PCARE: variants seen among roughly 807,000 people sequenced by gnomAD.
PCARE encodes the protein photoreceptor cilium actin regulator.
Under a neutral mutation model 82.2 loss-of-function variants are expected in PCARE, and 72 were observed. The ratio of observed to expected loss-of-function variants is 0.88; its 90% CI spans 0.72 to 1.07. The LOEUF (loss-of-function observed/expected upper bound fraction) is 1.07, where lower values mean the gene tolerates loss of function less well. Ranked by LOEUF, PCARE falls within the 50% of genes least tolerant of loss-of-function variation. PCARE has a pLI of 0.00. For missense variants in PCARE, 1,768 were observed against 1,592.4 expected, an observed-to-expected ratio of 1.11 and a Z score of -1.88; for synonymous variants, 705 against 634.8, an observed-to-expected ratio of 1.11 and a Z score of -1.66.
rs1667343340 is a variant in PCARE at position 29,063,535 on chromosome 2, C to T, written c.*1334G>A. On this transcript the variant is annotated 3_prime_UTR_variant, in exon 2 of 2. Transcript: ENST00000331664. ...TTTAACAAGTTTTTGAGCCCACAGTCCCAGCAAGAATGGGTTTGAGGTCTA... is the reference window on the plus strand; with the variant it reads ...TTTAACAAGTTTTTGAGCCCACAGTTCCAGCAAGAATGGGTTTGAGGTCTA... 1 of 152,642 alleles carries T rather than the reference C, an allele frequency of 6.6e-6. No homozygotes were observed. 9.5% of individuals were successfully genotyped at this position (152,642 alleles called of 1,614,324 possible). A position where few individuals can be genotyped will look rare whatever the true frequency, so the allele number is the denominator to read the frequency against.
At chr2:29,068,516 C>T (rs1667423609) in intron 1 of PCARE, among the ~76,000 whole-genome samples, 1 of 152,176 alleles carries the variant, frequency 6.6e-6, no homozygotes, top group Non-Finnish European at 1.5e-5. Flanking sequence ...AAGAGTTCTT[C>T]TCTAATAGAC....
In PCARE at chr2:29,071,676, G is replaced by A. The variant is rs1490095948; in HGVS notation, c.2586C>T (p.Thr862=). 6 of 1,614,066 alleles carry A rather than the reference G, an allele frequency of 3.7e-6. No individual in the cohort carries two copies. The highest frequency in any genetic ancestry group is 1.7e-4 in the Middle Eastern group (1 of 6,058). ...SKSTENSPKE[T]QEPGPGEAGP... is the part of the protein sequence containing the mutation. The stretch of plus-strand genomic sequence containing the variant: ...CAGCCTCTCCCGGCCCTGGCTCCTG[G>A]GTTTCCTTGGGGGAGTTCTCTGTGG... Residue 862 remains threonine, a synonymous_variant, in exon 1 of 2, where the codon ACC becomes ACT. Transcript: ENST00000331664.
At chr2:29,066,409 C>T (rs905371304) in intron 1 of PCARE, among the ~76,000 whole-genome samples, 5 of 152,190 alleles carry the variant, frequency 3.3e-5, no homozygotes, top group African/African-American at 1.2e-4. Flanking sequence ...AATCAGTTGC[C>T]TCAGGGCCAG....
chr2:29,071,340 C>A lies in PCARE; in HGVS notation c.2922G>T (p.Glu974Asp). The A allele has an allele frequency of 6.2e-7, 1 of 1,613,648 alleles. No homozygotes were observed. The highest frequency in any genetic ancestry group is 8.5e-7 in the Non-Finnish European group (1 of 1,179,928). Residue 974 changes from glutamate to aspartate, a missense_variant, in exon 1 of 2, where the codon GAG (glutamate) becomes GAT (aspartate). Glu to Asp is a conservative substitution (Grantham distance 45). Coordinates refer to ENST00000331664, the MANE Select transcript of PCARE (RefSeq NM_001029883.3). ...TCTGCCTTGGTCTGGCCAGGCTGGA[C>A]TCTGAGGTCCTGTTTTGTCCAGATG... ...GPPSGQNRTS[E>D]SSLARPRQSR...
At position 29,071,371 on chromosome 2, in the gene PCARE, C is replaced by T. The variant is rs1667478873; in HGVS notation, c.2891G>A (p.Gly964Asp). ...GGTCCTGTTTTGTCCAGATGGAGGG[C>T]CGGAGTGGTGCCAGGCGATGGCCTT... is the stretch of plus-strand genomic sequence containing the variant. ...PRKAIAWHHS[G>D]PPSGQNRTSE... The change falls in exon 1 of 2, where the codon GGC (glycine) becomes GAC (aspartate). Residue 964 changes from glycine to aspartate, a missense_variant. Physicochemically the swap from Gly to Asp is moderately conservative, Grantham distance 94. Transcript: ENST00000331664. 6.2e-7 allele frequency: 1 copy of T among 1,613,590 alleles called. No individual in the cohort carries two copies. The highest frequency in any genetic ancestry group is 1.7e-5 in the Admixed American group (1 of 59,998).
rs1667498889 is a variant in PCARE, at chr2:29,072,057, A to G, written c.2205T>C (p.Ile735=). 1.2e-6 allele frequency: 2 copies of G among 1,614,234 alleles called. No homozygotes were observed. Among genetic ancestry groups the G allele is most frequent in the Non-Finnish European group, 1.7e-6 (2 of 1,180,040 alleles). The change falls in exon 1 of 2, where the codon ATT becomes ATC. Residue 735 remains isoleucine, a synonymous_variant. Transcript: ENST00000331664. The part of the protein sequence containing the change: ...CPTRTSVKKL[I]ETFSPTESLR... ...GACTCTCCGTGGGACTGAAAGTTTC[A>G]ATAAGCTTCTTGACGGATGTTCTGG... is the stretch of plus-strand genomic sequence containing the variant.
Position 29,064,699 on chromosome 2 carries a change from G to A in PCARE, c.*170C>T. On this transcript the variant is annotated 3_prime_UTR_variant, in exon 2 of 2. Coordinates refer to ENST00000331664, the MANE Select transcript of PCARE (RefSeq NM_001029883.3). The stretch of plus-strand genomic sequence containing the variant: ...AGAGCAAGATCTGGGACTGAAAACG[G>A]CGATTGTTTAAAATTCAGCAGACCC... The A allele has an allele frequency of 3.7e-6, 3 of 812,054 alleles. No homozygotes were observed. Among genetic ancestry groups the A allele is most frequent in the Non-Finnish European group, 5.9e-6 (3 of 510,006 alleles). The allele number at this position is 812,054 out of a possible 1,614,324, so 50.3% of individuals were successfully genotyped here.
Position 29,071,691 on chromosome 2 carries a change from G to A in PCARE, c.2571C>T (p.Asn857=), listed in dbSNP as rs1305477143. Residue 857 remains asparagine (N), a synonymous_variant, in exon 1 of 2, where the codon AAC becomes AAT. Coordinates refer to ENST00000331664, the MANE Select transcript of PCARE (RefSeq NM_001029883.3). ...ESPESSKSTE[N]SPKETQEPGP... is the part of the protein sequence containing the mutation. ...CTGGCTCCTGGGTTTCCTTGGGGGA[G>A]TTCTCTGTGGACTTGCTGCTTTCTG... is the stretch of plus-strand genomic sequence containing the variant. The A allele has an allele frequency of 1.9e-6, 3 of 1,614,016 alleles. No homozygotes were observed. Among genetic ancestry groups the A allele is most frequent in the Non-Finnish European group, 2.5e-6 (3 of 1,180,006 alleles).
chr2:29,072,493 C>T lies in PCARE; in HGVS notation c.1769G>A (p.Arg590Lys). ...CGACTCTGACTGGGACCTCGTCTGC[C>T]TCTCAGGGGCCCTCCTGCTGCCACT... ...TVSGSRRAPE[R>K]QTRSQSESCL... The change falls in exon 1 of 2, where the codon AGG becomes AAG. Residue 590 changes from arginine (R) to lysine (K), a missense_variant. Transcript: ENST00000331664. 2 of 1,614,240 alleles carry T rather than the reference C, an allele frequency of 1.2e-6. No homozygotes were observed.
rs745846117 is a variant in PCARE at position 29,073,687 on chromosome 2, T to C, written c.575A>G (p.His192Arg). 2.5e-6 allele frequency: 4 copies of C among 1,613,860 alleles called. No individual in the cohort carries two copies. The highest frequency in any genetic ancestry group is 1.6e-4 in the Middle Eastern group (1 of 6,062). ...KAHQQAYTYLHSSLSKYEAIL... is the reference protein window; with the variant it reads ...KAHQQAYTYLRSSLSKYEAIL... ...TGCTTCATATTTGGAGAGGCTGGAG[T>C]GTAGATAGGTGTAAGCCTGCTGGTG... Residue 192 changes from histidine (H) to arginine (R), a missense_variant, in exon 1 of 2, where the codon CAC (histidine) becomes CGC (arginine). Physicochemically the swap from His to Arg is conservative, Grantham distance 29. Transcript: ENST00000331664.
In PCARE at chr2:29,071,956, G is replaced by A; in HGVS notation, c.2306C>T (p.Pro769Leu). The A allele has an allele frequency of 6.2e-7, 1 of 1,614,106 alleles. No individual in the cohort carries two copies. Among genetic ancestry groups the A allele is most frequent in the Non-Finnish European group, 8.5e-7 (1 of 1,179,966 alleles). The change falls in exon 1 of 2, where the codon CCC becomes CTC. Residue 769 changes from proline to leucine, a missense_variant. Pro to Leu is a moderately conservative substitution (Grantham distance 98). Coordinates refer to ENST00000331664, the MANE Select transcript of PCARE (RefSeq NM_001029883.3). ...LRNCIMPPRFPKYTGLAPLYP... is the reference protein window; with the variant it reads ...LRNCIMPPRFLKYTGLAPLYP... ...CAAAGGGGCAAGCCCTGTGTACTTGGGAAATCTGGGGGGCATGATGCAATT... is the reference window on the plus strand; with the variant it reads ...CAAAGGGGCAAGCCCTGTGTACTTGAGAAATCTGGGGGGCATGATGCAATT...
chr2:29,067,624 A>G (rs1558486172), intron 1 of PCARE, among the ~76,000 whole-genome samples: 1 of 152,178 alleles, frequency 6.6e-6, no homozygotes, highest in Non-Finnish European at 1.5e-5. Flanking sequence ...GGCTCACTGT[A>G]ACTGCCACTT....
At position 29,068,787 on chromosome 2, in the gene PCARE, G is replaced by A. The variant is rs566751009; in HGVS notation, c.3668+1807C>T. On this transcript the variant is annotated intron_variant, in intron 1 of 1. Transcript: ENST00000331664. ...GGGAGAGGTAGCAGCCCCACCCCTG[G>A]ATTCTGGTGCTCAGCACTCATGAAG... Among the ~76,000 whole-genome samples, 18 of 152,238 alleles carry A rather than the reference G, an allele frequency of 1.2e-4. No individual in the cohort carries two copies. The South Asian group carries it at 3.3e-3, about 28-fold the overall frequency.
At chr2:29,070,559 C>G (rs1265068270) in intron 1 of PCARE, 35 bp downstream of exon 1, 1 of 1,613,464 alleles carries the variant, frequency 6.2e-7, no homozygotes, top group Admixed American at 1.7e-5. Flanking sequence ...CTAGTCCAAG[C>G]CGCTGAAGGG....
rs748396645 is a variant in PCARE, at chr2:29,070,658, G to A, written c.3604C>T (p.Arg1202Ter). ...RTASDRQPGG[R>*]PQPPTLDPTS... is the part of the protein sequence containing the mutation. ...GGGTCCAAGGTGGGAGGCTGCGGTCGGCCACCTGGCTGGCGGTCAGAAGCT... is the reference window on the plus strand; with the variant it reads ...GGGTCCAAGGTGGGAGGCTGCGGTCAGCCACCTGGCTGGCGGTCAGAAGCT... Residue 1202 changes from arginine (R) to a stop codon, truncating the protein, a stop_gained, in exon 1 of 2, where the codon CGA (arginine) becomes TGA (stop). Transcript: ENST00000331664. LOFTEE classifies it high-confidence loss of function. 33 of 1,613,962 alleles carry A rather than the reference G, an allele frequency of 2.0e-5. No individual in the cohort carries two copies. Among genetic ancestry groups the A allele is most frequent in the Admixed American group, 3.3e-5 (2 of 60,000 alleles).
In PCARE at chr2:29,064,948, A is replaced by G; in HGVS notation, c.3788T>C (p.Leu1263Pro). 2 of 1,608,138 alleles carry G rather than the reference A, an allele frequency of 1.2e-6. No individual in the cohort carries two copies. Among genetic ancestry groups the G allele is most frequent in the Non-Finnish European group, 8.5e-7 (1 of 1,177,774 alleles). ...PPEFCVLGHG[L>P]QPEPRTGHIQ... Reference sequence around the variant, plus strand: ...GTGGCCGGTCCGAGGCTCCGGTTGCAGCCCGTGGCCCAGCACACAGAACTC... The same window carrying G: ...GTGGCCGGTCCGAGGCTCCGGTTGCGGCCCGTGGCCCAGCACACAGAACTC... Residue 1263 changes from leucine (L) to proline (P), a missense_variant, in exon 2 of 2, where the codon CTG becomes CCG. Leu to Pro is a moderately conservative substitution (Grantham distance 98, BLOSUM62 -3). Transcript: ENST00000331664.
In PCARE at chr2:29,068,602, C is replaced by T. The variant is rs527327283; in HGVS notation, c.3668+1992G>A. On this transcript the variant is annotated intron_variant, in intron 1 of 1. Transcript: ENST00000331664. ...CCCCGTGTATTCTGTAAAATAACCA[C>T]TTGAGCATACGAGTTCTTCTTTCAG... is the stretch of plus-strand genomic sequence containing the variant. 1.2e-4 allele frequency among the ~76,000 whole-genome samples: 18 copies of T among 152,276 alleles called. No individual in the cohort carries two copies. The East Asian group carries it at 2.7e-3, about 23-fold the overall frequency.
At chr2:29,065,178 A>T in intron 1 of PCARE, 111 bp from the exon 2 acceptor site, 1 of 1,262,532 alleles carries the variant, frequency 7.9e-7, no homozygotes, top group Non-Finnish European at 1.1e-6. Context: ...CCTCTCCCAC[A>T]AGCCTGTTCA....
In PCARE at chr2:29,074,206, A is replaced by C; in HGVS notation, c.56T>G (p.Ile19Ser). 1 of 1,596,870 alleles carries C rather than the reference A, an allele frequency of 6.3e-7. No homozygotes were observed. The highest frequency in any genetic ancestry group is 8.5e-7 in the Non-Finnish European group (1 of 1,170,876). The change falls in exon 1 of 2, where the codon ATT becomes AGT. Residue 19 changes from isoleucine (I) to serine (S), a missense_variant. Coordinates refer to ENST00000331664, the MANE Select transcript of PCARE (RefSeq NM_001029883.3). ...TGCTTTGGGCTTTTTCAAGAACTGA[A>C]TGCCACTCTTTGCAACGCTGTTTAC... ...DLVNSVAKSG[I>S]QFLKKPKAIR...
Sources: allele counts gnomAD v4.1 joint callset (sites outside exome capture counted in the v4.1 genomes callset), GRCh38; gene constraint gnomAD v4.1.1; transcripts MANE v1.5; gene names NCBI Gene and HGNC (gene_info 2026-07-23, HGNC 2026-07-21).